ARPC2: variants seen among roughly 807,000 people sequenced by gnomAD.
ARPC2 encodes actin-related protein 2/3 complex subunit 2.
ARPC2 carries 4 observed loss-of-function variants against 38.6 expected under a neutral mutation model. The observed-to-expected ratio is 0.10, with a 90% confidence interval of 0.05 to 0.24. ARPC2 has a LOEUF of 0.24. ARPC2 is among the 10% of genes least tolerant of loss of function. The pLI, the probability that ARPC2 is intolerant of heterozygous loss-of-function variation, is 1.00. For missense variants in ARPC2, 229 were observed against 387.3 expected, an observed-to-expected ratio of 0.59 and a Z score of 3.43; for synonymous variants, 125 against 140.8, an observed-to-expected ratio of 0.89 and a Z score of 0.79.
In ARPC2 at chr2:218,249,813, G is replaced by C; in HGVS notation, c.778-8G>C. On this transcript the variant is annotated splice_region_variant and splice_polypyrimidine_tract_variant and intron_variant, in intron 9 of 10. Transcript: ENST00000315717. ...CTGTGCTTTAGTACCTGTTATGTTT[G>C]TTCCCAGGCCTATATTCACACACGT... The C allele has an allele frequency of 6.2e-7, 1 of 1,611,114 alleles. No homozygotes were observed. Among genetic ancestry groups the C allele is most frequent in the Non-Finnish European group, 8.5e-7 (1 of 1,177,974 alleles).
intron 7 of ARPC2, 153 bp downstream of exon 7, chr2:218,239,637 A>G: frequency 3.2e-6 from 2 of 623,968 alleles, no homozygotes; most frequent in Admixed American, 5.7e-5. Context: ...CTTGTTGCCC[A>G]GGCTGGAGTG....
At chr2:218,250,284 C>T (rs563559376) in intron 10 of ARPC2, among the ~76,000 whole-genome samples, 2 of 152,218 alleles carry the variant, frequency 1.3e-5, no homozygotes, top group Admixed American at 1.3e-4. Context: ...AGGCCTGAAA[C>T]CACCCCACTA....
intron 2 of ARPC2, 77 bp downstream of exon 2, chr2:218,217,621 C>T (rs553363124): frequency 2.2e-4 from 308 of 1,415,388 alleles, no homozygotes; most frequent in South Asian, 6.1e-4. Flanking sequence ...TGTCCAGTCC[C>T]CCAGACCTGG....
At chr2:218,242,983 C>T (rs931476232) in intron 7 of ARPC2, among the ~76,000 whole-genome samples, 12 of 152,068 alleles carry the variant, frequency 7.9e-5, no homozygotes, top group Admixed American at 6.6e-5. Context: ...ATCAGTCTTG[C>T]CTTTTATGGC....
chr2:218,224,682 G>A (rs538470961), intron 2 of ARPC2, among the ~76,000 whole-genome samples: 1 of 78,228 alleles, frequency 1.3e-5, no homozygotes, highest in Non-Finnish European at 3.0e-5. Context: ...TACCCAGTGC[G>A]CTTTTCCTAA....
chr2:218,239,557 G>A (rs1291221386), intron 7 of ARPC2, 73 bp downstream of exon 7: 21 of 1,223,198 alleles, frequency 1.7e-5, no homozygotes, highest in Middle Eastern at 1.9e-4. Context: ...TACCATGAGC[G>A]TAGGAAAGAG....
chr2:218,225,757 T>C (rs1488201300), intron 2 of ARPC2, among the ~76,000 whole-genome samples, 163 bp from the exon 3 acceptor site: 1 of 152,234 alleles, frequency 6.6e-6, no homozygotes, highest in African/African-American at 2.4e-5. Context: ...AGTCCAAAGG[T>C]TCAGGTCCAT....
At position 218,249,264 on chromosome 2, in the gene ARPC2, T is replaced by G. The variant is rs1053882073; in HGVS notation, c.677-100T>G. ...TAATACTGACACAAGTGGAGTGTAC[T>G]TAAGCAGAGAGGGAGTGATGTTCAC... On this transcript the variant is annotated intron_variant, in intron 8 of 10. Coordinates refer to ENST00000315717, the MANE Select transcript of ARPC2 (RefSeq NM_152862.3). 6 of 788,788 alleles carry G rather than the reference T, an allele frequency of 7.6e-6. No homozygotes were observed. In the African/African-American group the frequency reaches 8.7e-5, roughly 11 times the overall value. 48.9% of individuals were successfully genotyped at this position (788,788 alleles called of 1,614,324 possible). A position where few individuals can be genotyped will look rare whatever the true frequency, so the allele number is the denominator to read the frequency against.
intron 2 of ARPC2, among the ~76,000 whole-genome samples, chr2:218,220,587 A>G (rs917919489): frequency 1.3e-5 from 2 of 151,972 alleles, no homozygotes; most frequent in Non-Finnish European, 2.9e-5. Context: ...ATATAGTTGC[A>G]TTAATTTTCC....
chr2:218,251,522 G>A (rs1559484920), intron 10 of ARPC2, among the ~76,000 whole-genome samples: 1 of 150,896 alleles, frequency 6.6e-6, no homozygotes, highest in Non-Finnish European at 1.5e-5. Context: ...AGTACTCTGT[G>A]ATCCCCAGCC....
chr2:218,221,465 G>A (rs909588626), intron 2 of ARPC2, among the ~76,000 whole-genome samples: 3 of 152,188 alleles, frequency 2.0e-5, no homozygotes, highest in African/African-American at 4.8e-5. Flanking sequence ...AGAAGACCTG[G>A]TTGGTCTTTT....
chr2:218,241,086 A>T (rs1205882872), intron 7 of ARPC2, among the ~76,000 whole-genome samples: 5 of 152,166 alleles, frequency 3.3e-5, no homozygotes, highest in Non-Finnish European at 5.9e-5. Context: ...AATCTAGTAC[A>T]ATGGTAAAAT....
At position 218,238,803 on chromosome 2, in the gene ARPC2, G is replaced by A. The variant is rs1574587350; in HGVS notation, c.408G>A (p.Lys136=). 2.5e-6 allele frequency: 4 copies of A among 1,614,006 alleles called. No individual in the cohort carries two copies. The highest frequency in any genetic ancestry group is 2.5e-6 in the Non-Finnish European group (3 of 1,179,972). ...ACTTCCAATTCCAAGAAGAGGGCAA[G>A]GAAGGAGAGAACAGGGCAGTTATCC... The part of the protein sequence containing the change: ...EKYFQFQEEG[K]EGENRAVIHY... Residue 136 remains lysine (K), a synonymous_variant, in exon 6 of 11, where the codon AAG becomes AAA. Transcript: ENST00000315717.
At chr2:218,240,593 TAAG>T (rs1055170678) in intron 7 of ARPC2, among the ~76,000 whole-genome samples, 2 of 152,110 alleles carry the variant, frequency 1.3e-5, no homozygotes, top group South Asian at 2.1e-4. Context: ...AAGCTCATCT[TAAG>T]AAGAGTCATG....
chr2:218,249,351 C>T lies in ARPC2; in HGVS notation c.677-13C>T, dbSNP rs1251217293. ...TCGTGTCCTGACGCCTTGTTTGTGT[C>T]TTCCGCCTTCAGTGCTGTTCCCTCG... On this transcript the variant is annotated splice_polypyrimidine_tract_variant and intron_variant, in intron 8 of 10. Transcript: ENST00000315717. 1 of 1,599,132 alleles carries T rather than the reference C, an allele frequency of 6.3e-7. No homozygotes were observed. Among genetic ancestry groups the T allele is most frequent in the Non-Finnish European group, 8.6e-7 (1 of 1,168,062 alleles).
At chr2:218,231,976 AC>A (rs1160335395) in intron 4 of ARPC2, among the ~76,000 whole-genome samples, 4 of 152,210 alleles carry the variant, frequency 2.6e-5, no homozygotes, top group Admixed American at 6.5e-5. Flanking sequence ...GCAGTGGCTC[AC>A]GCCTGTAATC....
chr2:218,226,643 A>G (rs1336698281), intron 3 of ARPC2, among the ~76,000 whole-genome samples: 1 of 151,586 alleles, frequency 6.6e-6, no homozygotes, highest in East Asian at 1.9e-4. Flanking sequence ...AAAAAAAAAA[A>G]AAAAAAGCTT....
Position 218,249,470 on chromosome 2 carries a change from G to A in ARPC2, c.777+6G>A, listed in dbSNP as rs773759785. The stretch of plus-strand genomic sequence containing the variant: ...ACCACATCAAGTGCTCTAAGGTGAG[G>A]GGGGTGCCAGCATCTCAGCCTCTAT... On this transcript the variant is annotated splice_donor_region_variant and intron_variant, in intron 9 of 10. Transcript: ENST00000315717. 100 of 1,582,480 alleles carry A rather than the reference G, an allele frequency of 6.3e-5. 4 individuals are homozygous for A. The South Asian group carries it at 1.0e-3, about 16-fold the overall frequency.
intron 2 of ARPC2, among the ~76,000 whole-genome samples, chr2:218,217,859 T>TG (rs1313938789): frequency 6.6e-6 from 1 of 152,204 alleles, no homozygotes; most frequent in African/African-American, 2.4e-5. Flanking sequence ...CCCTGCCCTC[T>TG]GGGGCGAGAA....
Sources: gnomAD v4.1 joint callset for allele counts (sites outside exome capture counted in the v4.1 genomes callset) on GRCh38, gnomAD v4.1.1 for gene constraint, MANE v1.5 for transcripts, NCBI Gene and HGNC (gene_info 2026-07-23, HGNC 2026-07-21) for gene names.